Variants in PRDM14 observed in about 807,000 individuals in gnomAD.
The protein encoded by PRDM14 is PR/SET domain 14, also known as PR domain zinc finger protein 14.
A neutral mutation model predicts 48.0 loss-of-function variants in PRDM14; 16 were observed. The observed-to-expected ratio is 0.33, with a 90% CI of 0.23 to 0.51. The LOEUF (loss-of-function observed/expected upper bound fraction) is 0.51. PRDM14 is among the 20% of genes least tolerant of loss of function. PRDM14 has a pLI of 0.97. For missense variants in PRDM14, 566 were observed against 719.6 expected (o/e 0.79, Z 2.44); for synonymous variants, 264 against 276.6 (o/e 0.95, Z 0.45).
intron 4 of PRDM14, among the ~76,000 whole-genome samples, chr8:70,067,052 T>C (rs757012907): frequency 6.2e-4 from 94 of 152,182 alleles, no homozygotes; most frequent in Non-Finnish European, 6.8e-4. Flanking sequence ...TCTAAAAGAT[T>C]CTTACTTTTA....
Position 70,058,098 on chromosome 8 carries a change from G to A in PRDM14, c.1386+542C>T, listed in dbSNP as rs555860438. ...GCATCCAGGTATTTGGAATGGCTCC[G>A]TAATGTCATTACTGATTTTCTGTCT... On this transcript the variant is annotated intron_variant, in intron 6 of 7. Transcript: ENST00000276594. 3.7e-4 allele frequency among the ~76,000 whole-genome samples: 56 copies of A among 152,272 alleles called. No individual in the cohort carries two copies. The South Asian group carries it at 0.011, about 29-fold the overall frequency.
In PRDM14 at chr8:70,066,264, G is replaced by A. The variant is rs141769540; in HGVS notation, c.1154C>T (p.Pro385Leu). Residue 385 changes from proline (P) to leucine (L), a missense_variant, in exon 5 of 8, where the codon CCG (proline) becomes CTG (leucine). By Grantham distance (98) the Pro-to-Leu change is moderately conservative. Around this residue, in one of 3 missense-constraint regions of PRDM14, gnomAD observed 126 missense variants for 271.6 expected, o/e 0.46. Transcript: ENST00000276594. ...DIPVSLQVTE[P>L]GKQPSGPSEE... Reference sequence around the variant, plus strand: ...AGAGGGCCCAGATGGCTGCTTCCCCGGCTCTGTGACCTGAAGGCTCACAGG... The same window carrying A: ...AGAGGGCCCAGATGGCTGCTTCCCCAGCTCTGTGACCTGAAGGCTCACAGG... The A allele has an allele frequency of 9.4e-5, 152 of 1,613,982 alleles. 1 individual carries two copies. Among genetic ancestry groups the A allele is most frequent in the South Asian group, 2.2e-4 (20 of 91,064 alleles).
At chr8:70,052,917 A>T (rs1405891418) in intron 7 of PRDM14, among the ~76,000 whole-genome samples, 3 of 148,824 alleles carry the variant, frequency 2.0e-5, no homozygotes, top group African/African-American at 7.4e-5. Context: ...TGGGCAACAT[A>T]GCAATACCTC....
chr8:70,066,382 C>T lies in PRDM14; in HGVS notation c.1036G>A (p.Gly346Arg). 2 of 1,614,156 alleles carry T rather than the reference C, an allele frequency of 1.2e-6. No individual in the cohort carries two copies. The highest frequency in any genetic ancestry group is 1.7e-6 in the Non-Finnish European group (2 of 1,180,030). ...EQNLVAVQCQGHIFYESCKEI... is the reference protein window; with the variant it reads ...EQNLVAVQCQRHIFYESCKEI... Reference sequence around the variant, plus strand: ...TTGCAGCTCTCATAAAATATATGCCCTTGACACTGCACAGCAACTAGGTTC... The same window carrying T: ...TTGCAGCTCTCATAAAATATATGCCTTTGACACTGCACAGCAACTAGGTTC... The change falls in exon 5 of 8, where the codon GGG (glycine) becomes AGG (arginine). Residue 346 changes from glycine to arginine, a missense_variant. Transcript: ENST00000276594.
intron 5 of PRDM14, among the ~76,000 whole-genome samples, chr8:70,064,036 C>G (rs1805627118): frequency 6.6e-6 from 1 of 152,050 alleles, no homozygotes; most frequent in African/African-American, 2.4e-5. Context: ...GATACTCAAC[C>G]TGTATGCAGA....
At chr8:70,068,193 C>G (rs767699570) in intron 4 of PRDM14, 37 bp downstream of exon 4, 2 of 1,612,262 alleles carry the variant, frequency 1.2e-6, no homozygotes, top group South Asian at 2.2e-5. Flanking sequence ...GTCTCCCGCC[C>G]CATTTTCAGC....
At chr8:70,065,934 T>C (rs1185428886) in intron 5 of PRDM14, among the ~76,000 whole-genome samples, 1 of 152,210 alleles carries the variant, frequency 6.6e-6, no homozygotes, top group Non-Finnish European at 1.5e-5. Flanking sequence ...GGCTCACCTA[T>C]GGTAGAAGTT....
At chr8:70,055,697 T>C (rs946073983) in intron 6 of PRDM14, among the ~76,000 whole-genome samples, 21 of 152,058 alleles carry the variant, frequency 1.4e-4, no homozygotes, top group Non-Finnish European at 2.8e-4. Flanking sequence ...TTTGTAGAGA[T>C]GAGGTCTCAC....
Position 70,069,590 on chromosome 8 carries a change from C to G in PRDM14, c.271G>C (p.Asp91His), listed in dbSNP as rs111515420. The stretch of plus-strand genomic sequence containing the variant: ...GGCAGCTTGCTGTACCAGGGCAGAT[C>G]GTAGAGAGGCTCCCTCTGTAGGCCC... Reference protein sequence around the residue: ...GLGLQREPLYDLPWYSKLPPW... With the variant: ...GLGLQREPLYHLPWYSKLPPW... The change falls in exon 2 of 8, where the codon GAT (aspartate) becomes CAT (histidine). Residue 91 changes from aspartate to histidine, a missense_variant. Physicochemically the swap from Asp to His is moderately conservative, Grantham distance 81. Transcript: ENST00000276594. 2 of 1,596,094 alleles carry G rather than the reference C, an allele frequency of 1.3e-6. No homozygotes were observed. Among genetic ancestry groups the G allele is most frequent in the African/African-American group, 1.3e-5 (1 of 74,686 alleles).
intron 5 of PRDM14, among the ~76,000 whole-genome samples, chr8:70,064,948 G>A (rs1238794547): frequency 6.6e-6 from 1 of 150,430 alleles, no homozygotes. Context: ...GTGCAGTGGT[G>A]CGGTCTTGGC....
chr8:70,070,779 A>G (rs1401096843), intron 1 of PRDM14, among the ~76,000 whole-genome samples: 1 of 152,118 alleles, frequency 6.6e-6, no homozygotes, highest in Middle Eastern at 3.2e-3. Context: ...CCGGGAAAGG[A>G]TGGCGTTTTA....
At chr8:70,061,554 C>T (rs546741062) in intron 5 of PRDM14, among the ~76,000 whole-genome samples, 1 of 152,260 alleles carries the variant, frequency 6.6e-6, no homozygotes, top group African/African-American at 2.4e-5. Flanking sequence ...TCTCAGAATC[C>T]CCGTGCTGGG....
At chr8:70,053,802 G>C (rs1368648807) in intron 7 of PRDM14, among the ~76,000 whole-genome samples, 4 of 152,180 alleles carry the variant, frequency 2.6e-5, no homozygotes, top group Non-Finnish European at 5.9e-5. Context: ...AGGCTTAGAA[G>C]TAGCTGTAGG....
In PRDM14 at chr8:70,054,964, G is replaced by A. The variant is rs192111789; in HGVS notation, c.1488+336C>T. Among the ~76,000 whole-genome samples the A allele has an allele frequency of 3.9e-5, 6 of 152,234 alleles. No individual in the cohort carries two copies. The East Asian group carries it at 9.6e-4, about 24-fold the overall frequency. On this transcript the variant is annotated intron_variant, in intron 7 of 7. Coordinates refer to ENST00000276594, the MANE Select transcript of PRDM14 (RefSeq NM_024504.4). ...AGCCTCCCAAGTAGCTGGGACTACA[G>A]GCATAAGCCACCGATGCATGGAAAA...
At chr8:70,066,638 A>C in intron 4 of PRDM14, 133 bp from the exon 5 acceptor site, 1 of 710,754 alleles carries the variant, frequency 1.4e-6, no homozygotes, top group Non-Finnish European at 2.3e-6. Context: ...TCTGATTTTT[A>C]TGTCATTACA....
chr8:70,067,955 A>G (rs1805699224), intron 4 of PRDM14, among the ~76,000 whole-genome samples: 1 of 152,176 alleles, frequency 6.6e-6, no homozygotes, highest in Non-Finnish European at 1.5e-5. Context: ...AATATAATAC[A>G]ACATATTGAT....
chr8:70,055,550 G>C (rs1227907166), intron 6 of PRDM14, 149 bp from the exon 7 acceptor site: 2 of 520,484 alleles, frequency 3.8e-6, no homozygotes, highest in African/African-American at 4.0e-5. Context: ...TTGTTACCCA[G>C]ACTGGACTGC....
chr8:70,059,996 G>A (rs1805548797), intron 5 of PRDM14, among the ~76,000 whole-genome samples: 1 of 151,812 alleles, frequency 6.6e-6, no homozygotes, highest in African/African-American at 2.4e-5. Flanking sequence ...GGGAGGCTGA[G>A]GCAGGAGAAT....
intron 2 of PRDM14, 67 bp downstream of exon 2, chr8:70,069,094 C>T: frequency 1.5e-6 from 2 of 1,294,070 alleles, no homozygotes; most frequent in East Asian, 2.5e-5. Context: ...CGCCTCTTCC[C>T]GGACACTCCC....
Sources: gnomAD v4.1 joint callset for allele counts (sites outside exome capture counted in the v4.1 genomes callset) on GRCh38, gnomAD v4.1.1 for gene constraint, gnomAD v4.1.1 regional missense constraint, MANE v1.5 for transcripts, NCBI Gene and HGNC (gene_info 2026-07-23, HGNC 2026-07-21) for gene names.